IGSF9B: variants seen among roughly 807,000 people sequenced by gnomAD.
IGSF9B encodes immunoglobulin superfamily member 9B, also known as protein turtle homolog B.
In IGSF9B, 48 loss-of-function variants were observed where a neutral mutation model predicts 143.7. That is an observed-to-expected ratio of 0.33 (90% CI 0.26 to 0.42). The LOEUF is 0.42. Among genes scored for constraint, IGSF9B ranks in the 20% least tolerant of loss-of-function variants. The pLI is 1.00. For synonymous variants in IGSF9B, 903 were observed against 833.1 expected (o/e 1.08, Z -1.44); for missense variants, 1,706 against 1,980.0 (o/e 0.86, Z 2.63).
rs968825635 is a variant in IGSF9B, at chr11:133,920,337, C to T, written c.3388G>A (p.Val1130Ile). 5 of 1,597,500 alleles carry T rather than the reference C, an allele frequency of 3.1e-6. No individual in the cohort carries two copies. In the South Asian group the frequency reaches 4.5e-5, roughly 14 times the overall value. Residue 1130 changes from valine to isoleucine, a missense_variant, in exon 18 of 20, where the codon GTA becomes ATA. Coordinates refer to ENST00000533871, the MANE Select transcript of IGSF9B (RefSeq NM_001277285.4). ...GTATGTCGCAGCTGCCCTTGGCTTA[C>T]CAGAGGTTGCATAGGTCTGTCCTGC... ...KWQDRPMQPL[V>I]SQGQLRHTSQ...
rs746193241 is a variant in IGSF9B, at chr11:133,920,213, T to G, written c.3512A>C (p.Tyr1171Ser). The G allele has an allele frequency of 1.3e-6, 2 of 1,513,960 alleles. No homozygotes were observed. The highest frequency in any genetic ancestry group is 2.8e-5 in the African/African-American group (2 of 71,494). 93.8% of individuals were successfully genotyped at this position (1,513,960 alleles called of 1,614,324 possible). Residue 1171 changes from tyrosine to serine, a missense_variant, in exon 18 of 20, where the codon TAT (tyrosine) becomes TCT (serine). By Grantham distance (144) the Tyr-to-Ser change is moderately radical. Coordinates refer to ENST00000533871, the MANE Select transcript of IGSF9B (RefSeq NM_001277285.4). The part of the protein sequence containing the change: ...PSTFGLDTRW[Y>S]EPQPRPRPSP... Reference sequence around the variant, plus strand: ...AGGCCGGGGCCGGGGCTGGGGCTCATACCACCGGGTGTCCAGGCCAAATGT... The same window carrying G: ...AGGCCGGGGCCGGGGCTGGGGCTCAGACCACCGGGTGTCCAGGCCAAATGT...
At chr11:133,955,850 C>A (rs1940241082) in intron 1 of IGSF9B, among the ~76,000 whole-genome samples, 4 of 152,132 alleles carry the variant, frequency 2.6e-5, no homozygotes, top group African/African-American at 9.6e-5. Flanking sequence ...AAGAGAAAAT[C>A]CCCCCTCCGC....
In IGSF9B at chr11:133,904,707, T is replaced by C. The variant is rs1166428799; in HGVS notation, c.*4362A>G. ...CTCAAAGAGATGCTGAGGCTTGGTG[T>C]CCCCTGGGGTGGTCTCACCATCCTA... On this transcript the variant is annotated 3_prime_UTR_variant, in exon 20 of 20. Transcript: ENST00000533871. Among the ~76,000 whole-genome samples, 3 of 152,096 alleles carry C rather than the reference T, an allele frequency of 2.0e-5. No individual in the cohort carries two copies. In the East Asian group the frequency reaches 5.8e-4, roughly 30 times the overall value.
chr11:133,919,438 C>A (rs984909957), intron 18 of IGSF9B, among the ~76,000 whole-genome samples: 1 of 152,234 alleles, frequency 6.6e-6, no homozygotes, highest in Non-Finnish European at 1.5e-5. Context: ...GGGTCCACCC[C>A]CGCAAGGGCA....
chr11:133,909,348 T>G lies in IGSF9B; in HGVS notation c.4106-71A>C. On this transcript the variant is annotated intron_variant, in intron 19 of 19. Coordinates refer to ENST00000533871, the MANE Select transcript of IGSF9B (RefSeq NM_001277285.4). This position sits in a 1 kb window ranked among gnomAD's most constrained non-coding sequence, Gnocchi z 4.2. ...AAAGGAAGCACGCAGCCTGCTCACC[T>G]TTTCCACCTGCATTTGTTCCGGGTT... The G allele has an allele frequency of 1.7e-6, 2 of 1,173,064 alleles. No individual in the cohort carries two copies. The highest frequency in any genetic ancestry group is 2.4e-6 in the Non-Finnish European group (2 of 819,790). 72.7% of individuals were successfully genotyped at this position (1,173,064 alleles called of 1,614,324 possible). A position where few individuals can be genotyped will look rare whatever the true frequency, so the allele number is the denominator to read the frequency against.
intron 18 of IGSF9B, among the ~76,000 whole-genome samples, chr11:133,915,787 G>C (rs568250946): frequency 6.6e-6 from 1 of 152,368 alleles, no homozygotes; most frequent in South Asian, 2.1e-4. Context: ...GGCTGAAGCA[G>C]TGGCTTGATG....
At chr11:133,919,631 T>G in intron 18 of IGSF9B, 111 bp downstream of exon 18, 1 of 691,126 alleles carries the variant, frequency 1.4e-6, no homozygotes, top group Non-Finnish European at 2.2e-6. Context: ...CGGTGCGGCA[T>G]GTCCGCACGA....
At chr11:133,935,965 C>T in intron 6 of IGSF9B, 88 bp downstream of exon 6, 1 of 1,503,626 alleles carries the variant, frequency 6.7e-7, no homozygotes, top group Non-Finnish European at 9.0e-7. Context: ...GAGCCACGGG[C>T]AGCCTGCCCG....
In IGSF9B at chr11:133,920,436, G is replaced by A. The variant is rs1294314200; in HGVS notation, c.3289C>T (p.Leu1097=). 6.3e-7 allele frequency: 1 copy of A among 1,575,868 alleles called. No homozygotes were observed. The highest frequency in any genetic ancestry group is 8.6e-7 in the Non-Finnish European group (1 of 1,162,524). The change falls in exon 18 of 20, where the codon CTG becomes TTG. Residue 1097 remains leucine, a synonymous_variant. Coordinates refer to ENST00000533871, the MANE Select transcript of IGSF9B (RefSeq NM_001277285.4). ...VPAAYPGILS[L]EAPKGWAGKS... is the part of the protein sequence containing the mutation. ...CCTGCCCAACCCTTCGGTGCCTCCA[G>A]AGACAGGATGCCCGGGTAGGCCGCG...
rs1411332154 is a variant in IGSF9B, at chr11:133,907,692, G to T, written c.*1377C>A. 4.6e-5 allele frequency among the ~76,000 whole-genome samples: 7 copies of T among 152,188 alleles called. No individual in the cohort carries two copies. Among genetic ancestry groups the T allele is most frequent in the Admixed American group, 3.9e-4 (6 of 15,282 alleles). ...GAACCAGGACCAGACTTTGGCAGAG[G>T]AAGAGTCAGTGCCCAGACCCTACTC... On this transcript the variant is annotated 3_prime_UTR_variant, in exon 20 of 20. Transcript: ENST00000533871.
chr11:133,914,733 C>G (rs1939351177), intron 18 of IGSF9B, among the ~76,000 whole-genome samples: 3 of 152,140 alleles, frequency 2.0e-5, no homozygotes, highest in Admixed American at 2.0e-4. Context: ...TGGTGTCTGG[C>G]AGAACAGGAG....
intron 1 of IGSF9B, 151 bp downstream of exon 1, chr11:133,956,540 G>A (rs1940258133): frequency 2.0e-6 from 1 of 503,516 alleles, no homozygotes; most frequent in South Asian, 2.9e-5. Flanking sequence ...CGGGCCGCCT[G>A]GCCCGCGTCG....
In IGSF9B at chr11:133,898,337, A is replaced by G. The variant is rs2121246384; in HGVS notation, c.*10732T>C. On this transcript the variant is annotated 3_prime_UTR_variant, in exon 20 of 20. Coordinates refer to ENST00000533871, the MANE Select transcript of IGSF9B (RefSeq NM_001277285.4). ...AGTTTGTAAGGGGTCTGGGGGAGGT[A>G]GCCCCTCCCCACCCACACTGCCTGC... 6.6e-6 allele frequency: 1 copy of G among 152,382 alleles called. No homozygotes were observed. Among genetic ancestry groups the G allele is most frequent in the East Asian group, 1.9e-4 (1 of 5,148 alleles). The allele number at this position is 152,382 out of a possible 1,614,324, so 9.4% of individuals were successfully genotyped here. A position where few individuals can be genotyped will look rare whatever the true frequency, so the allele number is the denominator to read the frequency against.
intron 5 of IGSF9B, 51 bp downstream of exon 5, chr11:133,937,325 G>C: frequency 2.2e-6 from 3 of 1,384,402 alleles, no homozygotes; most frequent in African/African-American, 2.8e-5. Flanking sequence ...AGCCGGGCTG[G>C]ACATCCCCGC....
intron 3 of IGSF9B, among the ~76,000 whole-genome samples, chr11:133,939,993 C>T (rs954944885): frequency 6.8e-6 from 1 of 147,914 alleles, no homozygotes; most frequent in Non-Finnish European, 1.5e-5. Flanking sequence ...GAAACATACA[C>T]CTTGCACGTC....
intron 18 of IGSF9B, among the ~76,000 whole-genome samples, chr11:133,912,857 G>A (rs1591707649): frequency 6.6e-6 from 1 of 152,306 alleles, no homozygotes; most frequent in East Asian, 1.9e-4. Context: ...TTGCCTGGTG[G>A]ATCAACTGCC....
In IGSF9B at chr11:133,920,144, A is replaced by C; in HGVS notation, c.3581T>G (p.Val1194Gly). The stretch of plus-strand genomic sequence containing the variant: ...TGAGAGCCGGGAGGGCTGTAGCACC[A>C]CTTGATGTAAACTGGGCTCGGCGCG... ...ARRAEPSLHQ[V>G]VLQPSRLSPL... Residue 1194 changes from valine to glycine, a missense_variant, in exon 18 of 20, where the codon GTG becomes GGG. Physicochemically the swap from Val to Gly is moderately radical, Grantham distance 109 (BLOSUM62 -3). Coordinates refer to ENST00000533871, the MANE Select transcript of IGSF9B (RefSeq NM_001277285.4). 6.6e-7 allele frequency: 1 copy of C among 1,509,796 alleles called. No homozygotes were observed. Among genetic ancestry groups the C allele is most frequent in the Non-Finnish European group, 8.9e-7 (1 of 1,128,682 alleles). 93.5% of individuals were successfully genotyped at this position (1,509,796 alleles called of 1,614,324 possible). A position where few individuals can be genotyped will look rare whatever the true frequency, so the allele number is the denominator to read the frequency against.
Position 133,909,092 on chromosome 11 carries a change from G to T in IGSF9B, c.4291C>A (p.Pro1431Thr), listed in dbSNP as rs1193882499. The T allele has an allele frequency of 6.5e-7, 1 of 1,535,776 alleles. No homozygotes were observed. Among genetic ancestry groups the T allele is most frequent in the Non-Finnish European group, 8.7e-7 (1 of 1,146,754 alleles). ...AGTCACAGCAAAGTGGCATGTCCTG[G>T]GTCATCGTGGTCCACACTGTTGAGA... ...AILNSVDHDD[P>T]GHATLL The change falls in exon 20 of 20, where the codon CCA becomes ACA. Residue 1431 changes from proline to threonine, a missense_variant. Physicochemically the swap from Pro to Thr is conservative, Grantham distance 38. Coordinates refer to ENST00000533871, the MANE Select transcript of IGSF9B (RefSeq NM_001277285.4). The surrounding 1 kb of genome is among the most constrained non-coding windows in gnomAD (Gnocchi z 4.2).
chr11:133,951,071 A>C (rs1940148885), intron 1 of IGSF9B, among the ~76,000 whole-genome samples: 1 of 152,158 alleles, frequency 6.6e-6, no homozygotes, highest in South Asian at 2.1e-4. Context: ...GATTCCAGGA[A>C]GCCGGCAGAC....
Sources: gnomAD v4.1 joint callset for allele counts (sites outside exome capture counted in the v4.1 genomes callset) on GRCh38, gnomAD v4.1.1 for gene constraint, Gnocchi (gnomAD v3.1) non-coding constraint, MANE v1.5 for transcripts, NCBI Gene and HGNC (gene_info 2026-07-23, HGNC 2026-07-21) for gene names.